Variants in DOCK3 observed in about 807,000 individuals in gnomAD.
DOCK3 encodes dedicator of cytokinesis 3.
In DOCK3, 60 loss-of-function variants were observed where a neutral mutation model predicts 265.6. The observed-to-expected ratio is 0.23, with a 90% confidence interval of 0.18 to 0.28. DOCK3 has a LOEUF of 0.28. DOCK3 is among the 10% of genes least tolerant of loss of function. The pLI, the probability that DOCK3 is intolerant of heterozygous loss-of-function variation, is 1.00. For synonymous variants in DOCK3, 881 were observed against 938.0 expected, an observed-to-expected ratio of 0.94 and a Z score of 1.11; for missense variants, 1,981 against 2,594.3, an observed-to-expected ratio of 0.76 and a Z score of 5.14.
chr3:51,277,078 G>A (rs192966111), intron 25 of DOCK3, among the ~76,000 whole-genome samples: 14 of 152,214 alleles, frequency 9.2e-5, no homozygotes, highest in Admixed American at 5.9e-4. Context: ...CAGCAGTCCC[G>A]GCTGGCAAAA....
At chr3:50,862,938 AACT>A (rs2046981473) in intron 3 of DOCK3, among the ~76,000 whole-genome samples, 2 of 152,234 alleles carry the variant, frequency 1.3e-5, no homozygotes, top group South Asian at 4.1e-4. Context: ...CAGTGGGAAG[AACT>A]ACTGCTGCTT....
chr3:51,030,859 C>T (rs910447396), intron 5 of DOCK3, among the ~76,000 whole-genome samples: 2 of 152,186 alleles, frequency 1.3e-5, no homozygotes, highest in African/African-American at 4.8e-5. Context: ...GCCATCCTCT[C>T]TCTGGCTTCT....
chr3:50,779,147 A>G (rs915215080), intron 2 of DOCK3, among the ~76,000 whole-genome samples: 5 of 152,144 alleles, frequency 3.3e-5, no homozygotes, highest in Non-Finnish European at 1.5e-5. Flanking sequence ...AAAATGTGCA[A>G]TAAATTATTG....
chr3:50,935,467 G>A lies in DOCK3; in HGVS notation c.315+1390G>A, dbSNP rs201530337. 3.3e-5 allele frequency among the ~76,000 whole-genome samples: 5 copies of A among 152,170 alleles called. No individual in the cohort carries two copies. In the East Asian group the frequency reaches 9.6e-4, roughly 29 times the overall value. Reference sequence around the variant, plus strand: ...CCCTACCCTATAGTAATGAAGTGGTGCCCCACCTCAGTGGAATATGAAGTA... The same window carrying A: ...CCCTACCCTATAGTAATGAAGTGGTACCCCACCTCAGTGGAATATGAAGTA... On this transcript the variant is annotated intron_variant, in intron 5 of 52. Coordinates refer to ENST00000266037, the MANE Select transcript of DOCK3 (RefSeq NM_004947.5).
intron 1 of DOCK3, among the ~76,000 whole-genome samples, chr3:50,769,360 A>T (rs1426960941): frequency 6.6e-6 from 1 of 152,188 alleles, no homozygotes; most frequent in Non-Finnish European, 1.5e-5. Context: ...AACATGTTAG[A>T]TATATTAATG....
rs554734200 is a variant in DOCK3, at chr3:50,770,847, G to T, written c.38-7828G>T. Among the ~76,000 whole-genome samples, 5 of 152,272 alleles carry T rather than the reference G, an allele frequency of 3.3e-5. No individual in the cohort carries two copies. The East Asian group carries it at 7.7e-4, about 24-fold the overall frequency. The stretch of plus-strand genomic sequence containing the variant: ...AACTCATTTTCACCAAAGATGCCAA[G>T]AAATACACTATGGAAAAGACAGTCT... On this transcript the variant is annotated intron_variant, in intron 1 of 52. Coordinates refer to ENST00000266037, the MANE Select transcript of DOCK3 (RefSeq NM_004947.5).
At chr3:51,019,291 G>T (rs191554645) in intron 5 of DOCK3, among the ~76,000 whole-genome samples, 2 of 151,896 alleles carry the variant, frequency 1.3e-5, no homozygotes, top group Admixed American at 1.3e-4. Flanking sequence ...TTGAATTTTA[G>T]TCATGGAAAT....
intron 27 of DOCK3, among the ~76,000 whole-genome samples, chr3:51,298,180 T>C (rs2109300335): frequency 6.6e-6 from 1 of 152,372 alleles, no homozygotes; most frequent in East Asian, 1.9e-4. Context: ...CTTTGGTAGC[T>C]TGTAACTTCC....
chr3:51,269,234 G>T (rs1478685881), intron 23 of DOCK3, among the ~76,000 whole-genome samples: 1 of 148,746 alleles, frequency 6.7e-6, no homozygotes, highest in African/African-American at 2.5e-5. Flanking sequence ...ATATTATTCA[G>T]TTAGACTTTA....
At chr3:51,225,903 T>C in intron 15 of DOCK3, 130 bp downstream of exon 15, 3 of 1,257,872 alleles carry the variant, frequency 2.4e-6, no homozygotes, top group Non-Finnish European at 2.1e-6. Context: ...TCTGCCTTTT[T>C]CTTTCTTGAA....
In DOCK3 at chr3:51,259,335, G is replaced by T. The variant is rs991083082; in HGVS notation, c.2185-821G>T. On this transcript the variant is annotated intron_variant, in intron 22 of 52. Coordinates refer to ENST00000266037, the MANE Select transcript of DOCK3 (RefSeq NM_004947.5). ...AAGTACCTGACTTCTGTTTGTTTCA[G>T]CCTTGCATAAGTTTCTCTCCATTAT... Among the ~76,000 whole-genome samples the T allele has an allele frequency of 3.3e-5, 5 of 152,234 alleles. No homozygotes were observed. In the East Asian group the frequency reaches 9.6e-4, roughly 29 times the overall value.
In DOCK3 at chr3:50,675,353, C is replaced by G; in HGVS notation, c.37+53C>G. On this transcript the variant is annotated intron_variant, in intron 1 of 52. Coordinates refer to ENST00000266037, the MANE Select transcript of DOCK3 (RefSeq NM_004947.5). This position sits in a 1 kb window ranked among gnomAD's most constrained non-coding sequence, Gnocchi z 6.1. ...CGGGGGTTCTGGGGGACGCGCCCAG[C>G]TCCCGGCCCCGCCTGGATTCGCATC... 1 of 1,186,062 alleles carries G rather than the reference C, an allele frequency of 8.4e-7. No individual in the cohort carries two copies. The highest frequency in any genetic ancestry group is 3.9e-5 in the East Asian group (1 of 25,910). The allele number at this position is 1,186,062 out of a possible 1,614,324, so 73.5% of individuals were successfully genotyped here. A position where few individuals can be genotyped will look rare whatever the true frequency, so the allele number is the denominator to read the frequency against.
chr3:50,817,576 C>T (rs2044160183), intron 2 of DOCK3, among the ~76,000 whole-genome samples: 2 of 152,040 alleles, frequency 1.3e-5, no homozygotes, highest in South Asian at 2.1e-4. Context: ...GGATTATAGG[C>T]GTTAGCCACT....
At chr3:51,277,049 G>C (rs1398527762) in intron 25 of DOCK3, among the ~76,000 whole-genome samples, 6 of 152,138 alleles carry the variant, frequency 3.9e-5, no homozygotes, top group Admixed American at 2.0e-4. Flanking sequence ...AGCTAGAAGT[G>C]GACCCAGGCA....
intron 2 of DOCK3, among the ~76,000 whole-genome samples, chr3:50,801,223 G>A (rs555662797): frequency 2.0e-5 from 3 of 152,222 alleles, no homozygotes; most frequent in Non-Finnish European, 4.4e-5. Flanking sequence ...TGACACATGT[G>A]GCCCCTGCTG....
rs545411557 is a variant in DOCK3, at chr3:50,706,046, G to A, written c.37+30746G>A. On this transcript the variant is annotated intron_variant, in intron 1 of 52. Transcript: ENST00000266037. ...ACTCTGTCTCAAAAAAAAAAAAAGTGGCAGTTTTCTCCTGTACGCTCACTT... is the reference window on the plus strand; with the variant it reads ...ACTCTGTCTCAAAAAAAAAAAAAGTAGCAGTTTTCTCCTGTACGCTCACTT... Among the ~76,000 whole-genome samples the A allele has an allele frequency of 7.4e-3, 1,122 of 151,778 alleles. 16 individuals carry two copies. The highest frequency in any genetic ancestry group is 0.026 in the African/African-American group (1,059 of 41,402).
At chr3:50,814,725 G>T (rs953792295) in intron 2 of DOCK3, among the ~76,000 whole-genome samples, 1 of 152,074 alleles carries the variant, frequency 6.6e-6, no homozygotes, top group Admixed American at 6.6e-5. Context: ...TTATCTTAAA[G>T]AATTATATTT....
intron 5 of DOCK3, among the ~76,000 whole-genome samples, chr3:50,981,309 A>G (rs1267492523): frequency 3.3e-5 from 5 of 152,186 alleles, no homozygotes; most frequent in Non-Finnish European, 7.4e-5. Context: ...ATCACAGTAT[A>G]TCCGATAGCT....
intron 9 of DOCK3, among the ~76,000 whole-genome samples, chr3:51,106,497 C>T (rs1036431446): frequency 2.0e-5 from 3 of 152,220 alleles, no homozygotes; most frequent in Admixed American, 6.5e-5. Context: ...TGCCATGCCA[C>T]ACCTGCCTAC....
Sources: gnomAD v4.1 joint callset for allele counts (sites outside exome capture counted in the v4.1 genomes callset) on GRCh38, gnomAD v4.1.1 for gene constraint, Gnocchi (gnomAD v3.1) non-coding constraint, MANE v1.5 for transcripts, NCBI Gene and HGNC (gene_info 2026-07-23, HGNC 2026-07-21) for gene names.